SPHKAP: variants seen among roughly 807,000 people sequenced by gnomAD.
SPHKAP encodes the protein SPHK1 interactor, AKAP domain containing.
In SPHKAP, 67 loss-of-function variants were observed where a neutral mutation model predicts 137.5. The ratio of observed to expected loss-of-function variants is 0.49; its 90% CI spans 0.40 to 0.60. SPHKAP has a LOEUF of 0.60. Among genes scored for constraint, SPHKAP ranks in the 20% least tolerant of loss-of-function variants. The pLI, the probability that SPHKAP is intolerant of heterozygous loss-of-function variation, is 0.00. For synonymous variants in SPHKAP, 813 were observed against 785.3 expected, an observed-to-expected ratio of 1.04 and a Z score of -0.59; for missense variants, 2,097 against 2,069.3, an observed-to-expected ratio of 1.01 and a Z score of -0.26.
chr2:228,069,427 C>T (rs1696935144), intron 3 of SPHKAP, among the ~76,000 whole-genome samples: 1 of 147,312 alleles, frequency 6.8e-6, no homozygotes. Context: ...TCTTTTTTTT[C>T]CTCTTTTTTC....
chr2:228,074,468 G>A (rs112485711), intron 3 of SPHKAP, among the ~76,000 whole-genome samples: 3,510 of 152,258 alleles, frequency 0.023, 53 homozygotes, highest in Non-Finnish European at 0.039. Context: ...GCAAGAGAGG[G>A]AGAATGAGTG....
At chr2:228,007,187 T>C (rs1053311071) in intron 7 of SPHKAP, among the ~76,000 whole-genome samples, 6 of 152,204 alleles carry the variant, frequency 3.9e-5, no homozygotes, top group African/African-American at 1.4e-4. Context: ...TTTTGTACTA[T>C]CCTTAATGGA....
At position 227,983,923 on chromosome 2, in the gene SPHKAP, TG is replaced by T. The variant is rs202073655; in HGVS notation, c.4960-2064del. Among the ~76,000 whole-genome samples, 1,275 of 152,124 alleles carry T rather than the reference TG, an allele frequency of 8.4e-3. 20 individuals are homozygous for T. The highest frequency in any genetic ancestry group is 0.03 in the African/African-American group (1,231 of 41,534). On this transcript the variant is annotated intron_variant, in intron 11 of 11. Transcript: ENST00000392056. ...GGTGACTGAGTGGGAATATACGTTG[TG>T]GGGGTGAGATGTGGGGCTGCTTCAT...
intron 3 of SPHKAP, among the ~76,000 whole-genome samples, chr2:228,105,866 T>TATAA (rs1698329689): frequency 6.6e-6 from 1 of 152,196 alleles, no homozygotes; most frequent in African/African-American, 2.4e-5. Context: ...TCTTTTTCTT[T>TATAA]ATAAATTACC....
chr2:228,127,924 T>A lies in SPHKAP; in HGVS notation c.138+4056A>T, dbSNP rs545585607. Among the ~76,000 whole-genome samples, 325 of 152,316 alleles carry A rather than the reference T, an allele frequency of 2.1e-3. 6 individuals carry two copies. Among genetic ancestry groups the A allele is most frequent in the Non-Finnish European group, 5.0e-4 (34 of 68,026 alleles). On this transcript the variant is annotated intron_variant, in intron 2 of 11. Coordinates refer to ENST00000392056, the MANE Select transcript of SPHKAP (RefSeq NM_001142644.2). ...CATTATAACCAAAAAAGTATGTAGA[T>A]TAATTAAAAATACATTGTAGCTAAA...
Position 228,018,683 on chromosome 2 carries a change from ATCT to A in SPHKAP, c.2168_2170del (p.Lys723del), listed in dbSNP as rs1292747353. 6 of 1,614,176 alleles carry A rather than the reference ATCT, an allele frequency of 3.7e-6. No individual in the cohort carries two copies. The highest frequency in any genetic ancestry group is 2.2e-5 in the South Asian group (2 of 91,080). ...TTCACCAAGCCGTACAATATGACTCATCTTCTTGAACGTGAAGCATATCACATC... is the reference window on the plus strand; with the variant it reads ...TTCACCAAGCCGTACAATATGACTCATCTTGAACGTGAAGCATATCACATC... On this transcript the variant is annotated inframe_deletion, in exon 7 of 12. Coordinates refer to ENST00000392056, the MANE Select transcript of SPHKAP (RefSeq NM_001142644.2).
chr2:228,036,712 G>A (rs1343254085), intron 3 of SPHKAP, among the ~76,000 whole-genome samples: 1 of 152,092 alleles, frequency 6.6e-6, no homozygotes, highest in Non-Finnish European at 1.5e-5. Flanking sequence ...CATAAAAAAT[G>A]ATGAGTTCAT....
rs1239045938 is a variant in SPHKAP at position 227,989,516 on chromosome 2, C to T, written c.4959+1484G>A. Among the ~76,000 whole-genome samples, 61 of 152,196 alleles carry T rather than the reference C, an allele frequency of 4.0e-4. 2 individuals are homozygous for T. Among genetic ancestry groups the T allele is most frequent in the Admixed American group, 3.9e-3 (60 of 15,282 alleles). ...TGGGACCATGAATAGGATGCGATAT[C>T]ATGCCCTTATTACGCTACCTTATAT... On this transcript the variant is annotated intron_variant, in intron 11 of 11. Transcript: ENST00000392056.
intron 3 of SPHKAP, among the ~76,000 whole-genome samples, chr2:228,050,098 A>G (rs1465005129): frequency 3.9e-5 from 6 of 152,200 alleles, no homozygotes; most frequent in African/African-American, 1.4e-4. Context: ...AATGATCAAC[A>G]TTACTAATTC....
At chr2:228,152,470 T>A (rs1157139487) in intron 1 of SPHKAP, among the ~76,000 whole-genome samples, 1 of 152,128 alleles carries the variant, frequency 6.6e-6, no homozygotes, top group Non-Finnish European at 1.5e-5. Context: ...ATGATATATA[T>A]TTTTCCATAC....
chr2:228,042,659 C>A (rs957632023), intron 3 of SPHKAP, among the ~76,000 whole-genome samples: 1 of 152,128 alleles, frequency 6.6e-6, no homozygotes, highest in Non-Finnish European at 1.5e-5. Flanking sequence ...TTTCTGAGAA[C>A]ATAAAACAAT....
intron 3 of SPHKAP, among the ~76,000 whole-genome samples, chr2:228,067,467 T>A (rs1486652916): frequency 1.3e-5 from 2 of 152,198 alleles, no homozygotes; most frequent in South Asian, 4.1e-4. Context: ...TATGATCATC[T>A]TGACTTGTAA....
At chr2:228,142,560 G>T (rs952241469) in intron 1 of SPHKAP, among the ~76,000 whole-genome samples, 3 of 152,092 alleles carry the variant, frequency 2.0e-5, no homozygotes, top group African/African-American at 7.2e-5. Context: ...AACATGGATG[G>T]TGCTGGAGGC....
At chr2:228,129,319 A>C (rs1303997816) in intron 2 of SPHKAP, among the ~76,000 whole-genome samples, 1 of 152,236 alleles carries the variant, frequency 6.6e-6, no homozygotes, top group East Asian at 1.9e-4. Flanking sequence ...TAAAAAATGC[A>C]TTATCTGCTA....
intron 1 of SPHKAP, among the ~76,000 whole-genome samples, chr2:228,179,881 C>T (rs1380680369): frequency 6.6e-6 from 1 of 152,154 alleles, no homozygotes; most frequent in South Asian, 2.1e-4. Context: ...CTATATTGGT[C>T]TGTAAAACCG....
rs1315675007 is a variant in SPHKAP at position 228,019,762 on chromosome 2, G to A, written c.1092C>T (p.Ser364=). ...PSACAVAEQR[S]NLNPGDHEDT... is the part of the protein sequence containing the mutation. ...CTTCATGGTCTCCTGGGTTTAGGTT[G>A]CTTCTCTGCTCTGCCACAGCACATG... The change falls in exon 7 of 12, where the codon AGC becomes AGT. Residue 364 remains serine (S), a synonymous_variant. Transcript: ENST00000392056. 2 of 1,614,144 alleles carry A rather than the reference G, an allele frequency of 1.2e-6. No individual in the cohort carries two copies. The highest frequency in any genetic ancestry group is 3.3e-5 in the Admixed American group (2 of 60,022).
At chr2:228,081,769 T>A (rs1300918738) in intron 3 of SPHKAP, among the ~76,000 whole-genome samples, 1 of 152,166 alleles carries the variant, frequency 6.6e-6, no homozygotes, top group Non-Finnish European at 1.5e-5. Context: ...GGGATTAGAA[T>A]GGTGGTTACC....
intron 1 of SPHKAP, among the ~76,000 whole-genome samples, chr2:228,142,725 G>A (rs1180779690): frequency 6.6e-6 from 1 of 151,954 alleles, no homozygotes; most frequent in Non-Finnish European, 1.5e-5. Flanking sequence ...GGAGGGAGAG[G>A]ACAAGGAAAA....
At chr2:228,075,158 A>G (rs752046990) in intron 3 of SPHKAP, among the ~76,000 whole-genome samples, 9 of 152,256 alleles carry the variant, frequency 5.9e-5, no homozygotes, top group Non-Finnish European at 1.2e-4. Context: ...ATTATAGAAT[A>G]TCATCCCCAA....
Sources: allele counts gnomAD v4.1 joint callset (sites outside exome capture counted in the v4.1 genomes callset), GRCh38; gene constraint gnomAD v4.1.1; transcripts MANE v1.5; gene names NCBI Gene and HGNC (gene_info 2026-07-23, HGNC 2026-07-21).